ALMS1: variants seen among roughly 807,000 people sequenced by gnomAD.
The protein encoded by ALMS1 is centrosome-associated protein ALMS1.
Under a neutral mutation model 352.2 loss-of-function variants are expected in ALMS1, and 271 were observed. That is an observed-to-expected ratio of 0.77 (90% confidence interval 0.70 to 0.85). The LOEUF is 0.85. Ranked by LOEUF, ALMS1 falls within the 40% of genes least tolerant of loss-of-function variation. ALMS1 has a pLI of 0.00. For synonymous variants in ALMS1, 1,865 were observed against 1,761.2 expected, an observed-to-expected ratio of 1.06 and a Z score of -1.48; for missense variants, 5,445 against 4,870.7, an observed-to-expected ratio of 1.12 and a Z score of -3.51.
chr2:73,459,045 A>G (rs1277518167), intron 9 of ALMS1: 1 of 152,036 alleles, frequency 6.6e-6, no homozygotes, highest in African/African-American at 2.4e-5. Context: ...AAATTACTTC[A>G]GTGTTTGTCA....
At chr2:73,512,180 G>A (rs1287836149) in intron 10 of ALMS1, among the ~76,000 whole-genome samples, 1 of 152,110 alleles carries the variant, frequency 6.6e-6, no homozygotes, top group African/African-American at 2.4e-5. Context: ...TGCCTCCCGG[G>A]TTCAAGCGAT....
chr2:73,449,907 C>T lies in ALMS1; in HGVS notation c.3380C>T (p.Pro1127Leu), dbSNP rs1212850572. 1 of 1,613,470 alleles carries T rather than the reference C, an allele frequency of 6.2e-7. No individual in the cohort carries two copies. Among genetic ancestry groups the T allele is most frequent in the East Asian group, 2.2e-5 (1 of 44,864 alleles). ...GAGGCTCTGAAAATTTCAGTAGCTC[C>T]TGGACTAGCAGACCAGAAGACTGGC... ...PKEALKISVA[P>L]GLADQKTGTP... Residue 1127 changes from proline (P) to leucine (L), a missense_variant, in exon 8 of 23, where the codon CCT becomes CTT. Coordinates refer to ENST00000613296, the MANE Select transcript of ALMS1 (RefSeq NM_001378454.1).
chr2:73,474,140 AT>A (rs200469759), intron 9 of ALMS1, among the ~76,000 whole-genome samples: 12 of 150,452 alleles, frequency 8.0e-5, no homozygotes, highest in Admixed American at 1.3e-4. Flanking sequence ...GCTTTAACAG[AT>A]TTTTTTTTTA....
intron 10 of ALMS1, among the ~76,000 whole-genome samples, chr2:73,517,266 T>A (rs1673579868): frequency 6.7e-6 from 1 of 149,746 alleles, no homozygotes; most frequent in Non-Finnish European, 1.5e-5. Flanking sequence ...TTTTTTTTCT[T>A]ATAGAGACAA....
chr2:73,439,842 T>C (rs2103752789), intron 7 of ALMS1, among the ~76,000 whole-genome samples: 1 of 152,296 alleles, frequency 6.6e-6, no homozygotes, highest in East Asian at 1.9e-4. Context: ...TTATACAATT[T>C]ATACCTAAAG....
chr2:73,488,533 G>C (rs900094863), intron 9 of ALMS1, among the ~76,000 whole-genome samples: 10 of 152,166 alleles, frequency 6.6e-5, no homozygotes, highest in Non-Finnish European at 1.5e-4. Flanking sequence ...GTGCCCAGGA[G>C]GGTGGGGTTC....
intron 16 of ALMS1, among the ~76,000 whole-genome samples, chr2:73,575,919 A>G (rs1675044233): frequency 6.6e-6 from 1 of 151,868 alleles, no homozygotes; most frequent in Non-Finnish European, 1.5e-5. Flanking sequence ...CAGTGTCGTG[A>G]AAGTTTTCTT....
Position 73,454,013 on chromosome 2 carries a change from G to A in ALMS1, c.7486G>A (p.Ala2496Thr), listed in dbSNP as rs1179302109. Residue 2496 changes from alanine (A) to threonine (T), a missense_variant, in exon 8 of 23, where the codon GCT (alanine) becomes ACT (threonine). Ala to Thr is a moderately conservative substitution (Grantham distance 58). Transcript: ENST00000613296. ...GCAATGTGAATCCTCACTGAATCAT[G>A]CTAAAGAAATACTCAGAAATGCAGA... ...LLQCESSLNH[A>T]KEILRNAEEE... The A allele has an allele frequency of 1.9e-6, 3 of 1,613,662 alleles. No individual in the cohort carries two copies. The highest frequency in any genetic ancestry group is 1.7e-6 in the Non-Finnish European group (2 of 1,179,834).
chr2:73,407,869 G>A (rs115304395), intron 1 of ALMS1, among the ~76,000 whole-genome samples: 3,175 of 152,100 alleles, frequency 0.021, 121 homozygotes, highest in African/African-American at 0.072. Flanking sequence ...ATCTTTCTTT[G>A]TCTGTTCGAG....
At chr2:73,525,153 G>T (rs1367939456) in intron 11 of ALMS1, among the ~76,000 whole-genome samples, 3 of 152,036 alleles carry the variant, frequency 2.0e-5, no homozygotes, top group African/African-American at 7.2e-5. Context: ...ATATGTAATA[G>T]ATTAATTTAT....
At chr2:73,486,363 A>C (rs967275365) in intron 9 of ALMS1, among the ~76,000 whole-genome samples, 1 of 152,146 alleles carries the variant, frequency 6.6e-6, no homozygotes, top group East Asian at 1.9e-4. Flanking sequence ...GCAGAGATGA[A>C]AGTAAGTCCT....
intron 9 of ALMS1, among the ~76,000 whole-genome samples, chr2:73,482,223 A>G (rs1236821661): frequency 6.6e-6 from 1 of 152,336 alleles, no homozygotes; most frequent in Admixed American, 6.5e-5. Context: ...TTTGTCATAG[A>G]TAACTCTTAT....
At chr2:73,422,714 A>T in intron 3 of ALMS1, 143 bp from the exon 4 acceptor site, 1 of 694,036 alleles carries the variant, frequency 1.4e-6, no homozygotes, top group Non-Finnish European at 2.5e-6. Context: ...GGTAGCTGCT[A>T]CTGCTGTTGC....
At chr2:73,558,622 A>G (rs1046481931) in intron 14 of ALMS1, among the ~76,000 whole-genome samples, 1 of 152,094 alleles carries the variant, frequency 6.6e-6, no homozygotes, top group African/African-American at 2.4e-5. Flanking sequence ...TCCTGACACC[A>G]TTCTTGTGTT....
At chr2:73,585,716 A>G (rs1424757613) in intron 16 of ALMS1, among the ~76,000 whole-genome samples, 1 of 111,196 alleles carries the variant, frequency 9.0e-6, no homozygotes, top group Non-Finnish European at 1.8e-5. Flanking sequence ...TTTTGCATAC[A>G]CTTCTTGGCC....
intron 17 of ALMS1, 83 bp from the exon 18 acceptor site, chr2:73,600,590 TTAAAA>T: frequency 8.0e-7 from 1 of 1,243,776 alleles, no homozygotes; most frequent in East Asian, 2.3e-5. Context: ...TTTTGAAACA[TTAAAA>T]AGGGTTCACG....
chr2:73,531,621 G>T (rs1673914584), intron 11 of ALMS1, among the ~76,000 whole-genome samples: 2 of 152,110 alleles, frequency 1.3e-5, no homozygotes, highest in Admixed American at 6.6e-5. Flanking sequence ...ACATGTTCAG[G>T]TTATCTTTAT....
At chr2:73,488,866 C>T (rs1045965050) in intron 9 of ALMS1, among the ~76,000 whole-genome samples, 10 of 152,088 alleles carry the variant, frequency 6.6e-5, no homozygotes, top group Admixed American at 1.3e-4. Context: ...TGATCCTATG[C>T]GCCAGGAAAC....
intron 7 of ALMS1, among the ~76,000 whole-genome samples, chr2:73,436,705 T>C (rs1348606301): frequency 6.6e-6 from 1 of 152,258 alleles, no homozygotes; most frequent in Non-Finnish European, 1.5e-5. Context: ...TACTGTACTT[T>C]TCAGCCTTAG....
Sources: allele counts gnomAD v4.1 joint callset (sites outside exome capture counted in the v4.1 genomes callset), GRCh38; gene constraint gnomAD v4.1.1; transcripts MANE v1.5; gene names NCBI Gene and HGNC (gene_info 2026-07-23, HGNC 2026-07-21).